Variants in VPS13D observed in about 807,000 individuals in gnomAD.
VPS13D encodes vacuolar protein sorting 13 homolog D.
VPS13D carries 187 observed loss-of-function variants against 461.9 expected under a neutral mutation model. That is an observed-to-expected ratio of 0.40 (90% CI 0.36 to 0.46). VPS13D has a LOEUF of 0.46. VPS13D is among the 20% of genes least tolerant of loss of function. VPS13D has a pLI of 0.60. For missense variants in VPS13D, 4,711 were observed against 5,364.9 expected (o/e 0.88, Z 3.81); for synonymous variants, 1,951 against 1,986.3 (o/e 0.98, Z 0.47).
intron 21 of VPS13D, among the ~76,000 whole-genome samples, chr1:12,286,704 A>G (rs1641984668): frequency 6.6e-6 from 1 of 152,246 alleles, no homozygotes; most frequent in Non-Finnish European, 1.5e-5. Flanking sequence ...GGCAGGAGGC[A>G]TACAACGTCT....
In VPS13D at chr1:12,507,314, C is replaced by G; in HGVS notation, c.13035+221C>G. The G allele has an allele frequency of 1.2e-6, 1 of 800,974 alleles. No homozygotes were observed. The highest frequency in any genetic ancestry group is 2.5e-5 in the East Asian group (1 of 40,024). 49.6% of individuals were successfully genotyped at this position (800,974 alleles called of 1,614,324 possible). A position where few individuals can be genotyped will look rare whatever the true frequency, so the allele number is the denominator to read the frequency against. ...CCATGGGTGACCCTGGGAACATTAA[C>G]TGCCTCACAACGTTTGTGCCTCAGT... On this transcript the variant is annotated intron_variant, in intron 69 of 69. Coordinates refer to ENST00000620676, the MANE Select transcript of VPS13D (RefSeq NM_015378.4). The surrounding 1 kb of genome is among the most constrained non-coding windows in gnomAD (Gnocchi z 5.3).
At chr1:12,463,494 G>T (rs753768720) in intron 67 of VPS13D, among the ~76,000 whole-genome samples, 4 of 152,148 alleles carry the variant, frequency 2.6e-5, no homozygotes, top group Non-Finnish European at 5.9e-5. Context: ...GCTCACACCT[G>T]TAATCCAGCA....
At chr1:12,384,556 A>G (rs1644325780) in intron 58 of VPS13D, among the ~76,000 whole-genome samples, 2 of 152,218 alleles carry the variant, frequency 1.3e-5, no homozygotes, top group African/African-American at 4.8e-5. Context: ...AGGAAAAAAA[A>G]GATGTTGGAA....
intron 27 of VPS13D, 65 bp downstream of exon 27, chr1:12,308,706 G>C: frequency 6.6e-7 from 1 of 1,521,010 alleles, no homozygotes; most frequent in Non-Finnish European, 9.0e-7. Context: ...GTGGAGTGCA[G>C]TGGCGCAATC....
intron 47 of VPS13D, among the ~76,000 whole-genome samples, chr1:12,354,687 A>G (rs1172977478): frequency 1.3e-5 from 2 of 152,218 alleles, no homozygotes; most frequent in African/African-American, 4.8e-5. Context: ...TGCTTTTCCC[A>G]AGCAAAATCT....
At chr1:12,411,905 A>G (rs1030192296) in intron 63 of VPS13D, among the ~76,000 whole-genome samples, 1 of 152,230 alleles carries the variant, frequency 6.6e-6, no homozygotes, top group African/African-American at 2.4e-5. Flanking sequence ...CAAAACAGGC[A>G]GTGCAGAAGC....
At chr1:12,482,739 C>CTAGTATACATATATGTATACA (rs56822630) in intron 67 of VPS13D, among the ~76,000 whole-genome samples, 2,880 of 145,310 alleles carry the variant, frequency 0.02, 122 homozygotes, top group Admixed American at 0.075. Context: ...TGTATATACA[C>CTAGTATACATATATGTATACA]TAGTATACAT....
chr1:12,270,121 C>T (rs953142269), intron 16 of VPS13D, among the ~76,000 whole-genome samples: 1 of 152,066 alleles, frequency 6.6e-6, no homozygotes, highest in Non-Finnish European at 1.5e-5. Flanking sequence ...CACCACTGCA[C>T]TCCAGCCTGG....
intron 52 of VPS13D, among the ~76,000 whole-genome samples, chr1:12,364,336 A>G (rs970349364): frequency 3.3e-5 from 5 of 152,060 alleles, no homozygotes; most frequent in African/African-American, 1.2e-4. Flanking sequence ...TGACTGGCTT[A>G]TTTCACTTAG....
At chr1:12,500,800 A>G (rs1570293065) in intron 68 of VPS13D, among the ~76,000 whole-genome samples, 2 of 149,648 alleles carry the variant, frequency 1.3e-5, no homozygotes, top group South Asian at 4.3e-4. Flanking sequence ...TCATCCTCCC[A>G]CCTCAGCCTC....
intron 15 of VPS13D, among the ~76,000 whole-genome samples, chr1:12,268,177 T>G (rs1641329745): frequency 6.6e-6 from 1 of 151,430 alleles, no homozygotes; most frequent in African/African-American, 2.4e-5. Context: ...CTTGAACTCC[T>G]GAGCTCAAGC....
intron 24 of VPS13D, among the ~76,000 whole-genome samples, chr1:12,298,626 A>G (rs1642340948): frequency 6.6e-6 from 1 of 151,678 alleles, no homozygotes; most frequent in Non-Finnish European, 1.5e-5. Flanking sequence ...TGGGCAACAC[A>G]GCAAGACTCT....
chr1:12,414,158 C>A (rs1644766454), intron 63 of VPS13D, among the ~76,000 whole-genome samples: 1 of 152,064 alleles, frequency 6.6e-6, no homozygotes, highest in Admixed American at 6.6e-5. Context: ...GTAGTTTGCA[C>A]ATGTAGCCTC....
intron 67 of VPS13D, among the ~76,000 whole-genome samples, chr1:12,467,104 T>C (rs1367114162): frequency 6.6e-6 from 1 of 152,218 alleles, no homozygotes; most frequent in Admixed American, 6.5e-5. Context: ...CACTAAGACC[T>C]GTGTTGATGA....
At chr1:12,374,741 T>C (rs1644174487) in intron 55 of VPS13D, among the ~76,000 whole-genome samples, 1 of 152,174 alleles carries the variant, frequency 6.6e-6, no homozygotes, top group African/African-American at 2.4e-5. Flanking sequence ...TGTATGTATG[T>C]ATTTATTTAT....
At chr1:12,240,655 G>T (rs916790406) in intron 2 of VPS13D, among the ~76,000 whole-genome samples, 1 of 137,716 alleles carries the variant, frequency 7.3e-6, no homozygotes, top group African/African-American at 2.8e-5. Context: ...TTCAAAAGAA[G>T]AAACTATTTA....
intron 50 of VPS13D, 21 bp downstream of exon 50, chr1:12,358,622 C>T (rs768087627): frequency 6.2e-6 from 10 of 1,611,910 alleles, no homozygotes; most frequent in East Asian, 2.2e-5. Flanking sequence ...TTTGGGGCAG[C>T]GGGACAATCA....
In VPS13D at chr1:12,314,259, C is replaced by G; in HGVS notation, c.7080C>G (p.Ser2360Arg). 5 of 1,614,188 alleles carry G rather than the reference C, an allele frequency of 3.1e-6. No homozygotes were observed. Among genetic ancestry groups the G allele is most frequent in the Non-Finnish European group, 4.2e-6 (5 of 1,180,032 alleles). Residue 2360 changes from serine (S) to arginine (R), a missense_variant, in exon 30 of 70, where the codon AGC becomes AGG. Ser to Arg is a moderately radical substitution (Grantham distance 110). This residue lies in a region of VPS13D where 4,411 missense variants were observed against 4,937.8 expected (regional missense o/e 0.89). Coordinates refer to ENST00000620676, the MANE Select transcript of VPS13D (RefSeq NM_015378.4). ...KTSPGMTNVF[S>R]CIFQPAKNSS... ...GCCCTGGCATGACGAATGTGTTCAG[C>G]TGTATCTTTCAGCCCGCTAAGAACA... is the stretch of plus-strand genomic sequence containing the variant.
intron 1 of VPS13D, among the ~76,000 whole-genome samples, chr1:12,232,888 T>C (rs1232460453): frequency 6.6e-6 from 1 of 152,074 alleles, no homozygotes; most frequent in East Asian, 1.9e-4. Flanking sequence ...TATTATTTTA[T>C]AAGTGATCCT....
Sources: allele counts gnomAD v4.1 joint callset (sites outside exome capture counted in the v4.1 genomes callset), GRCh38; gene constraint gnomAD v4.1.1; regional missense constraint gnomAD v4.1.1; non-coding constraint Gnocchi (gnomAD v3.1); transcripts MANE v1.5; gene names NCBI Gene and HGNC (gene_info 2026-07-23, HGNC 2026-07-21).